The following CEP128 variants were observed in gnomAD, a reference collection of about 807,000 sequenced individuals.
CEP128 encodes the protein centrosomal protein 128kDa.
Under a neutral mutation model 156.7 loss-of-function variants are expected in CEP128, and 132 were observed. The ratio of observed to expected loss-of-function variants is 0.84; its 90% CI spans 0.73 to 0.97. CEP128 has a LOEUF of 0.97. CEP128 is among the 50% of genes least tolerant of loss of function. CEP128 has a pLI of 0.00. For missense variants in CEP128, 1,252 were observed against 1,281.9 expected (o/e 0.98, Z 0.36); for synonymous variants, 469 against 448.9 (o/e 1.04, Z -0.57).
intron 19 of CEP128, among the ~76,000 whole-genome samples, chr14:80,690,133 G>T (rs919806622): frequency 6.6e-6 from 1 of 151,836 alleles, no homozygotes; most frequent in South Asian, 2.1e-4. Flanking sequence ...TGGGCAGGGC[G>T]TGGTGGCTCA....
At chr14:80,730,424 G>A (rs1898220768) in intron 19 of CEP128, among the ~76,000 whole-genome samples, 1 of 152,198 alleles carries the variant, frequency 6.6e-6, no homozygotes, top group Non-Finnish European at 1.5e-5. Flanking sequence ...AGGGTAAAGA[G>A]AAATGTTTAA....
At chr14:80,503,186 T>A (rs1439917116) in intron 24 of CEP128, among the ~76,000 whole-genome samples, 1 of 152,204 alleles carries the variant, frequency 6.6e-6, no homozygotes, top group Non-Finnish European at 1.5e-5. Flanking sequence ...TTTTACTTTT[T>A]AGGTTAAATT....
intron 8 of CEP128, among the ~76,000 whole-genome samples, chr14:80,880,618 A>T (rs1888485791): frequency 6.6e-6 from 1 of 151,868 alleles, no homozygotes; most frequent in South Asian, 2.1e-4. Context: ...GTTCATTGGG[A>T]GGCCAAGGTG....
rs138953286 is a variant in CEP128, at chr14:80,711,295, TTGTGTGTG to T, written c.2806+31772_2806+31779del. ...CTAAAGACTGACATATAAGACTATG[TTGTGTGTG>T]TGTGTGTGTGTGTGTGTGTGTGTGT... On this transcript the variant is annotated intron_variant, in intron 19 of 24. Coordinates refer to ENST00000555265, the MANE Select transcript of CEP128 (RefSeq NM_152446.5). Among the ~76,000 whole-genome samples the T allele has an allele frequency of 2.2e-3, 323 of 145,830 alleles. 3 individuals carry two copies. The highest frequency in any genetic ancestry group is 5.9e-3 in the East Asian group (29 of 4,948).
intron 19 of CEP128, among the ~76,000 whole-genome samples, chr14:80,583,801 TAA>T (rs1006369512): frequency 2.0e-5 from 3 of 152,226 alleles, no homozygotes; most frequent in Non-Finnish European, 4.4e-5. Flanking sequence ...CTGCCATTTT[TAA>T]AAGTCTCCAG....
At chr14:80,863,933 A>G (rs1327957799) in intron 8 of CEP128, among the ~76,000 whole-genome samples, 1 of 152,234 alleles carries the variant, frequency 6.6e-6, no homozygotes, top group East Asian at 1.9e-4. Flanking sequence ...TAGGCAGAGC[A>G]GAAGTTTAGT....
chr14:80,955,427 G>A, intron 2 of CEP128: 1 of 566,978 alleles, frequency 1.8e-6, no homozygotes, highest in Non-Finnish European at 3.2e-6. Context: ...AGCGGACTGC[G>A]TGGGTCCAGC....
intron 2 of CEP128, among the ~76,000 whole-genome samples, chr14:80,921,025 A>G (rs1273975949): frequency 1.3e-5 from 2 of 152,360 alleles, no homozygotes; most frequent in Middle Eastern, 3.4e-3. Context: ...TTCAAAATAC[A>G]AGAATGGTTA....
chr14:80,870,175 G>T lies in CEP128; in HGVS notation c.646-7302C>A, dbSNP rs1009318560. ...AGGTAAAATCTACCAAACATGTAAA[G>T]AAAAGCTAATGCCAATCCTTCTCAA... On this transcript the variant is annotated intron_variant, in intron 8 of 24. Transcript: ENST00000555265. Among the ~76,000 whole-genome samples the T allele has an allele frequency of 2.0e-5, 3 of 152,018 alleles. No individual in the cohort carries two copies. The South Asian group carries it at 6.2e-4, about 31-fold the overall frequency.
intron 18 of CEP128, among the ~76,000 whole-genome samples, chr14:80,745,915 A>C (rs1436121092): frequency 6.6e-6 from 1 of 152,008 alleles, no homozygotes; most frequent in Admixed American, 6.6e-5. Flanking sequence ...TATAATACAT[A>C]AAATCAATAC....
At chr14:80,548,741 T>C (rs917061578) in intron 21 of CEP128, among the ~76,000 whole-genome samples, 1 of 152,222 alleles carries the variant, frequency 6.6e-6, no homozygotes, top group Non-Finnish European at 1.5e-5. Context: ...TGACTACTTA[T>C]CGGCATCAAA....
At chr14:80,654,586 T>C (rs1448955813) in intron 19 of CEP128, among the ~76,000 whole-genome samples, 1 of 152,196 alleles carries the variant, frequency 6.6e-6, no homozygotes, top group Non-Finnish European at 1.5e-5. Context: ...TTCCTGTAGT[T>C]TGGCTTGAAA....
intron 19 of CEP128, among the ~76,000 whole-genome samples, chr14:80,605,343 A>G (rs921922042): frequency 6.6e-6 from 1 of 152,058 alleles, no homozygotes; most frequent in Non-Finnish European, 1.5e-5. Flanking sequence ...TTAGGAATCC[A>G]AACAGATTCT....
chr14:80,603,190 G>A (rs1892646902), intron 19 of CEP128, among the ~76,000 whole-genome samples: 1 of 152,156 alleles, frequency 6.6e-6, no homozygotes. Flanking sequence ...CATGATAGCT[G>A]AAAGATGGAA....
chr14:80,499,042 T>G (rs1198216102), intron 24 of CEP128, among the ~76,000 whole-genome samples: 1 of 152,224 alleles, frequency 6.6e-6, no homozygotes, highest in East Asian at 1.9e-4. Flanking sequence ...AATAAATCTG[T>G]AATCACATAA....
At chr14:80,644,588 A>T (rs1388094482) in intron 19 of CEP128, among the ~76,000 whole-genome samples, 2 of 152,236 alleles carry the variant, frequency 1.3e-5, no homozygotes, top group South Asian at 4.1e-4. Context: ...AGAAATCAAA[A>T]CTCAAATATC....
In CEP128 at chr14:80,779,999, A is replaced by C. The variant is rs151205612; in HGVS notation, c.2212-1953T>G. On this transcript the variant is annotated intron_variant, in intron 15 of 24. Coordinates refer to ENST00000555265, the MANE Select transcript of CEP128 (RefSeq NM_152446.5). ...TCTGAATCCAAAAAAAGGCTCTACA[A>C]AATGATTTTGTTGAAATTGCAATGA... 5.4e-3 allele frequency among the ~76,000 whole-genome samples: 825 copies of C among 152,326 alleles called. 9 individuals are homozygous for C. Among genetic ancestry groups the C allele is most frequent in the African/African-American group, 0.019 (790 of 41,572 alleles).
chr14:80,936,943 A>G (rs1885838910), intron 2 of CEP128, among the ~76,000 whole-genome samples: 1 of 151,794 alleles, frequency 6.6e-6, no homozygotes, highest in Non-Finnish European at 1.5e-5. Flanking sequence ...TATATCTACT[A>G]TGTACCCACA....
chr14:80,744,825 C>T (rs1186892312), intron 18 of CEP128, among the ~76,000 whole-genome samples: 1 of 152,150 alleles, frequency 6.6e-6, no homozygotes, highest in Admixed American at 6.6e-5. Context: ...CTTGCTCCCC[C>T]AATGTGCCAC....
Sources: gnomAD v4.1 joint callset for allele counts (sites outside exome capture counted in the v4.1 genomes callset) on GRCh38, gnomAD v4.1.1 for gene constraint, MANE v1.5 for transcripts, NCBI Gene and HGNC (gene_info 2026-07-23, HGNC 2026-07-21) for gene names.